PKNOX2: variants seen among roughly 807,000 people sequenced by gnomAD.
PKNOX2 encodes the protein PBX/knotted 1 homeobox 2.
PKNOX2 carries 14 observed loss-of-function variants against 53.1 expected under a neutral mutation model. The observed-to-expected ratio is 0.26, with a 90% confidence interval of 0.17 to 0.41. The LOEUF is 0.41. Ranked by LOEUF, PKNOX2 falls within the 10% of genes least tolerant of loss-of-function variation. PKNOX2 has a pLI of 1.00. For missense variants in PKNOX2, 496 were observed against 602.8 expected (o/e 0.82, Z 1.85); for synonymous variants, 257 against 242.8 (o/e 1.06, Z -0.54).
At chr11:125,358,472 G>C (rs956645851) in intron 4 of PKNOX2, among the ~76,000 whole-genome samples, 3 of 152,224 alleles carry the variant, frequency 2.0e-5, no homozygotes, top group African/African-American at 7.2e-5. Context: ...GACAGCCCAG[G>C]AAATGCAGTT....
chr11:125,196,502 A>C (rs548679806), intron 1 of PKNOX2, among the ~76,000 whole-genome samples: 112 of 152,312 alleles, frequency 7.4e-4, no homozygotes, highest in African/African-American at 2.5e-3. Flanking sequence ...AAGAAGCTTC[A>C]TGCTGTGTGT....
intron 10 of PKNOX2, among the ~76,000 whole-genome samples, chr11:125,416,494 A>G (rs1955893630): frequency 6.6e-6 from 1 of 151,866 alleles, no homozygotes; most frequent in Admixed American, 6.5e-5. Context: ...TCTACTTATC[A>G]ACAGCGACTC....
chr11:125,403,596 G>GT (rs1435500412), intron 7 of PKNOX2, among the ~76,000 whole-genome samples: 2 of 152,186 alleles, frequency 1.3e-5, no homozygotes, highest in African/African-American at 4.8e-5. Flanking sequence ...CTGGCTCAAA[G>GT]TCACACACCT....
intron 4 of PKNOX2, among the ~76,000 whole-genome samples, chr11:125,358,963 C>A (rs1043843750): frequency 6.6e-6 from 1 of 152,126 alleles, no homozygotes; most frequent in African/African-American, 2.4e-5. Context: ...CAGTCTTCTG[C>A]GGCCTGGGGA....
intron 3 of PKNOX2, among the ~76,000 whole-genome samples, chr11:125,346,293 A>G (rs540116131): frequency 3.4e-4 from 51 of 152,194 alleles, no homozygotes; most frequent in African/African-American, 1.2e-3. Context: ...GATGGGAGGA[A>G]GAGAAGTCCG....
chr11:125,189,443 GTGTGTATATATATATATA>G (rs1483511457), intron 1 of PKNOX2, among the ~76,000 whole-genome samples: 18 of 56,670 alleles, frequency 3.2e-4, no homozygotes, highest in East Asian at 2.1e-3. Context: ...GTGTGTGTGT[GTGTGTATATATATATATA>G]TATATATATA....
At chr11:125,243,623 CTTTT>C (rs1284507032) in intron 2 of PKNOX2, among the ~76,000 whole-genome samples, 11 of 138,434 alleles carry the variant, frequency 7.9e-5, no homozygotes, top group Admixed American at 1.5e-4. Context: ...CTGGGACTTT[CTTTT>C]TTTTTTTTTT....
chr11:125,268,047 A>G (rs1945496497), intron 2 of PKNOX2, among the ~76,000 whole-genome samples: 1 of 151,988 alleles, frequency 6.6e-6, no homozygotes, highest in Non-Finnish European at 1.5e-5. Flanking sequence ...TTTGCCAACA[A>G]CTCTCCTCTG....
intron 2 of PKNOX2, among the ~76,000 whole-genome samples, chr11:125,313,019 G>A (rs1233984586): frequency 1.3e-5 from 2 of 152,234 alleles, no homozygotes; most frequent in Non-Finnish European, 2.9e-5. Flanking sequence ...GCCCACTGGA[G>A]GCCCGTGTCA....
intron 2 of PKNOX2, among the ~76,000 whole-genome samples, chr11:125,322,399 C>T (rs1024386297): frequency 6.6e-6 from 1 of 152,164 alleles, no homozygotes; most frequent in African/African-American, 2.4e-5. Flanking sequence ...CTACAGCCCC[C>T]TCCACTGCCT....
chr11:125,293,889 C>T (rs561283437), intron 2 of PKNOX2, among the ~76,000 whole-genome samples: 53 of 152,196 alleles, frequency 3.5e-4, no homozygotes, highest in African/African-American at 1.2e-3. Context: ...CCTCTTACCG[C>T]TTACTCAAAT....
At chr11:125,346,253 C>T (rs977080523) in intron 3 of PKNOX2, among the ~76,000 whole-genome samples, 4 of 152,048 alleles carry the variant, frequency 2.6e-5, no homozygotes, top group African/African-American at 7.2e-5. Flanking sequence ...GCTCGCTGAC[C>T]TCAGGGGCCT....
At chr11:125,188,131 T>C (rs1956566203) in intron 1 of PKNOX2, 1 of 152,200 alleles carries the variant, frequency 6.6e-6, no homozygotes, top group Non-Finnish European at 1.5e-5. Context: ...AAATGAATGC[T>C]AAGAGAGTGA....
At chr11:125,396,693 T>C (rs1484365857) in intron 6 of PKNOX2, among the ~76,000 whole-genome samples, 1 of 152,188 alleles carries the variant, frequency 6.6e-6, no homozygotes, top group African/African-American at 2.4e-5. Context: ...TGGTTAAGTA[T>C]GGCACACACA....
chr11:125,325,569 T>C (rs1367683156), intron 2 of PKNOX2, among the ~76,000 whole-genome samples: 1 of 152,174 alleles, frequency 6.6e-6, no homozygotes, highest in African/African-American at 2.4e-5. Context: ...TCTAAACAAG[T>C]TATTATTGCT....
intron 1 of PKNOX2, among the ~76,000 whole-genome samples, chr11:125,181,260 C>T (rs1420148680): frequency 6.6e-6 from 1 of 152,204 alleles, no homozygotes; most frequent in Non-Finnish European, 1.5e-5. Context: ...TGTTCTCTCA[C>T]CAGCACTCAT....
intron 10 of PKNOX2, among the ~76,000 whole-genome samples, chr11:125,428,321 C>T (rs549382046): frequency 1.2e-3 from 187 of 152,202 alleles, no homozygotes; most frequent in African/African-American, 4.1e-3. Context: ...AATCGGAAGA[C>T]CTGAGCTGGT....
At chr11:125,196,142 G>C (rs1179132174) in intron 1 of PKNOX2, among the ~76,000 whole-genome samples, 1 of 152,150 alleles carries the variant, frequency 6.6e-6, no homozygotes, top group African/African-American at 2.4e-5. Context: ...AAAGCATGGA[G>C]CTGGCAACAG....
chr11:125,180,036 C>T (rs185746799), intron 1 of PKNOX2, among the ~76,000 whole-genome samples: 54 of 152,306 alleles, frequency 3.5e-4, no homozygotes, highest in Admixed American at 6.5e-4. Flanking sequence ...GCACACGGGC[C>T]TTCTAGACAC....
Sources: gnomAD v4.1 joint callset for allele counts (sites outside exome capture counted in the v4.1 genomes callset) on GRCh38, gnomAD v4.1.1 for gene constraint, MANE v1.5 for transcripts, NCBI Gene and HGNC (gene_info 2026-07-23, HGNC 2026-07-21) for gene names.